The following PSD3 variants were observed in gnomAD, a reference collection of about 807,000 sequenced individuals.
PSD3 encodes the protein pleckstrin and Sec7 domain containing 3.
A neutral mutation model predicts 105.5 loss-of-function variants in PSD3; 49 were observed. That is an observed-to-expected ratio of 0.46 (90% CI 0.37 to 0.59). The LOEUF is 0.59. PSD3 is among the 20% of genes least tolerant of loss of function. The pLI, the probability that PSD3 is intolerant of heterozygous loss-of-function variation, is 0.00. For missense variants in PSD3, 1,561 were observed against 1,263.8 expected, an observed-to-expected ratio of 1.24 and a Z score of -3.57; for synonymous variants, 557 against 457.8, an observed-to-expected ratio of 1.22 and a Z score of -2.77.
intron 9 of PSD3, chr8:18,683,665 CT>C: frequency 1.5e-6 from 1 of 666,052 alleles, no homozygotes; most frequent in Non-Finnish European, 2.7e-6. Context: ...TTTTATACTC[CT>C]CGTTACTTTC....
chr8:18,892,299 A>G (rs541137561), intron 2 of PSD3, among the ~76,000 whole-genome samples: 6 of 150,930 alleles, frequency 4.0e-5, no homozygotes, highest in Non-Finnish European at 7.4e-5. Context: ...TCTTGGCTCA[A>G]TGCAAGCTCT....
intron 9 of PSD3, among the ~76,000 whole-genome samples, chr8:18,657,941 TTC>T (rs1809024031): frequency 2.0e-5 from 3 of 152,364 alleles, no homozygotes; most frequent in South Asian, 4.1e-4. Flanking sequence ...ATACATTCAT[TTC>T]TGTTCTAGCA....
At chr8:18,785,270 G>A (rs1046949578) in intron 8 of PSD3, among the ~76,000 whole-genome samples, 2 of 152,084 alleles carry the variant, frequency 1.3e-5, no homozygotes, top group Non-Finnish European at 2.9e-5. Context: ...CTTGTTTCTA[G>A]GAAAAAATAT....
chr8:18,980,824 A>G (rs1428209930), intron 1 of PSD3, among the ~76,000 whole-genome samples: 2 of 152,106 alleles, frequency 1.3e-5, no homozygotes, highest in East Asian at 1.9e-4. Context: ...TACACCCTTC[A>G]CCATCCCCAC....
chr8:18,737,306 T>G (rs944004501), intron 9 of PSD3, among the ~76,000 whole-genome samples: 10 of 152,164 alleles, frequency 6.6e-5, no homozygotes, highest in African/African-American at 2.2e-4. Context: ...ACCCAGGTAC[T>G]ATGCTGTGCT....
At chr8:18,633,709 C>G (rs1807059007) in intron 10 of PSD3, among the ~76,000 whole-genome samples, 1 of 152,170 alleles carries the variant, frequency 6.6e-6, no homozygotes, top group East Asian at 1.9e-4. Flanking sequence ...GTGAATAGGG[C>G]TGCAATAAAC....
At chr8:18,935,021 G>C (rs1257424935) in intron 2 of PSD3, among the ~76,000 whole-genome samples, 2 of 152,204 alleles carry the variant, frequency 1.3e-5, no homozygotes, top group East Asian at 1.9e-4. Flanking sequence ...TCTGCTGTGT[G>C]AGTGATTGTG....
intron 2 of PSD3, among the ~76,000 whole-genome samples, chr8:18,885,852 A>T (rs1310332657): frequency 1.3e-5 from 2 of 152,248 alleles, no homozygotes; most frequent in Non-Finnish European, 2.9e-5. Flanking sequence ...GGAAAAACAC[A>T]TCCTTGTGTG....
chr8:18,535,993 A>T (rs1408638253), intron 15 of PSD3, 35 bp from the exon 16 acceptor site: 1 of 1,584,268 alleles, frequency 6.3e-7, no homozygotes, highest in Non-Finnish European at 8.7e-7. Context: ...GGTAGTCAGA[A>T]AACTGTTCAA....
intron 9 of PSD3, among the ~76,000 whole-genome samples, chr8:18,678,447 C>G (rs1459395838): frequency 6.6e-6 from 1 of 152,240 alleles, no homozygotes; most frequent in East Asian, 1.9e-4. Flanking sequence ...CTCTGCCTAT[C>G]ATTCTTTCCA....
At chr8:18,948,194 A>T (rs1394943326) in intron 1 of PSD3, among the ~76,000 whole-genome samples, 11 of 152,140 alleles carry the variant, frequency 7.2e-5, no homozygotes, top group Admixed American at 7.2e-4. Flanking sequence ...CAGGTTCTGG[A>T]CCTGTGTGCT....
chr8:18,928,358 C>T (rs1009506391), intron 2 of PSD3, among the ~76,000 whole-genome samples: 1 of 152,190 alleles, frequency 6.6e-6, no homozygotes, highest in African/African-American at 2.4e-5. Context: ...TGAGGCCTCT[C>T]CAGCCATGTG....
intron 14 of PSD3, among the ~76,000 whole-genome samples, chr8:18,567,741 T>A (rs560131600): frequency 1.3e-5 from 2 of 152,142 alleles, no homozygotes; most frequent in South Asian, 2.1e-4. Context: ...TTCCATTCAT[T>A]CCCCCATCAA....
chr8:18,690,913 G>A (rs1800939606), intron 9 of PSD3, among the ~76,000 whole-genome samples: 1 of 152,076 alleles, frequency 6.6e-6, no homozygotes, highest in Non-Finnish European at 1.5e-5. Flanking sequence ...CTAGCAGTGG[G>A]GCTACGGATT....
rs922188548 is a variant in PSD3, at chr8:18,561,742, G to A, written c.2785-5390C>T. Among the ~76,000 whole-genome samples, 4 of 152,014 alleles carry A rather than the reference G, an allele frequency of 2.6e-5. No individual in the cohort carries two copies. The East Asian group carries it at 5.8e-4, about 22-fold the overall frequency. ...TATTTATATAGTACTTAGGTTTTGA[G>A]AACAATTTCAGAATTTCCTTTAAAA... is the stretch of plus-strand genomic sequence containing the variant. On this transcript the variant is annotated intron_variant, in intron 14 of 15. Coordinates refer to ENST00000327040, the MANE Select transcript of PSD3 (RefSeq NM_015310.4).
intron 9 of PSD3, among the ~76,000 whole-genome samples, chr8:18,760,492 G>A (rs191394248): frequency 1.0e-3 from 159 of 152,044 alleles, no homozygotes; most frequent in African/African-American, 3.6e-3. Context: ...GAGATCATGC[G>A]GTATTTGTCT....
At chr8:18,964,699 G>A (rs116971711) in intron 1 of PSD3, among the ~76,000 whole-genome samples, 2,546 of 152,232 alleles carry the variant, frequency 0.017, 34 homozygotes, top group Non-Finnish European at 0.027. Context: ...TTTCCCCAGA[G>A]AGGCACAAAA....
chr8:19,062,062 C>T (rs1193304022), intron 1 of PSD3, among the ~76,000 whole-genome samples: 1 of 152,196 alleles, frequency 6.6e-6, no homozygotes, highest in Non-Finnish European at 1.5e-5. Context: ...GGCCATTCTT[C>T]ACTTTCTAGA....
intron 2 of PSD3, among the ~76,000 whole-genome samples, chr8:18,928,114 G>A (rs1246989585): frequency 6.6e-6 from 1 of 152,194 alleles, no homozygotes; most frequent in African/African-American, 2.4e-5. Flanking sequence ...TGGTTTGGCT[G>A]TGTCTCCACC....
Sources: allele counts gnomAD v4.1 joint callset (sites outside exome capture counted in the v4.1 genomes callset), GRCh38; gene constraint gnomAD v4.1.1; transcripts MANE v1.5; gene names NCBI Gene and HGNC (gene_info 2026-07-23, HGNC 2026-07-21).